Variants in ETV5 observed in about 807,000 individuals in gnomAD.
ETV5 encodes ETS translocation variant 5.
Under a neutral mutation model 70.0 loss-of-function variants are expected in ETV5, and 10 were observed. The observed-to-expected ratio is 0.14, with a 90% CI of 0.09 to 0.24. The LOEUF is 0.24. ETV5 is among the 10% of genes least tolerant of loss of function. The pLI, the probability that ETV5 is intolerant of heterozygous loss-of-function variation, is 1.00. For missense variants in ETV5, 453 were observed against 651.2 expected, an observed-to-expected ratio of 0.70 and a Z score of 3.31; for synonymous variants, 216 against 242.2, an observed-to-expected ratio of 0.89 and a Z score of 1.01.
At chr3:186,063,316 A>G (rs943117047) in intron 9 of ETV5, among the ~76,000 whole-genome samples, 2 of 152,224 alleles carry the variant, frequency 1.3e-5, no homozygotes, top group African/African-American at 2.4e-5. Context: ...AGCTCCTCCA[A>G]GAAACTGACA....
chr3:186,065,955 G>T lies in ETV5; in HGVS notation c.768C>A (p.Pro256=), dbSNP rs1305810395. Reference sequence around the variant, plus strand: ...CTTGTTTGAATCCCTGAGGGGGCGGGGGAGCTGCAGGGACAATAGGTTCTG... The same window carrying T: ...CTTGTTTGAATCCCTGAGGGGGCGGTGGAGCTGCAGGGACAATAGGTTCTG... ...QMSEPIVPAA[P]PPPQGFKQEY... is the part of the protein sequence containing the mutation. The change falls in exon 8 of 13, where the codon CCC becomes CCA. Residue 256 remains proline, a synonymous_variant. Coordinates refer to ENST00000306376, the MANE Select transcript of ETV5 (RefSeq NM_004454.3). The T allele has an allele frequency of 6.2e-7, 1 of 1,611,718 alleles. No homozygotes were observed. Among genetic ancestry groups the T allele is most frequent in the South Asian group, 1.1e-5 (1 of 90,826 alleles).
In ETV5 at chr3:186,094,453, C is replaced by G. The variant is rs548505366; in HGVS notation, c.232+10852G>C. On this transcript the variant is annotated intron_variant, in intron 5 of 12. Coordinates refer to ENST00000306376, the MANE Select transcript of ETV5 (RefSeq NM_004454.3). The stretch of plus-strand genomic sequence containing the variant: ...TGGTAGTAGAGTGATTTTTTTTGAC[C>G]CAGATGAACTAGTTTCAGATTTACT... Among the ~76,000 whole-genome samples the G allele has an allele frequency of 6.6e-5, 10 of 152,050 alleles. No individual in the cohort carries two copies. In the South Asian group the frequency reaches 2.1e-3, roughly 32 times the overall value.
At chr3:186,051,665 T>A (rs2150140905) in intron 12 of ETV5, among the ~76,000 whole-genome samples, 1 of 152,346 alleles carries the variant, frequency 6.6e-6, no homozygotes, top group South Asian at 2.1e-4. Context: ...AAGACTTCAA[T>A]CAAGCTGTTG....
At chr3:186,091,747 T>C (rs1037324405) in intron 5 of ETV5, among the ~76,000 whole-genome samples, 1 of 152,188 alleles carries the variant, frequency 6.6e-6, no homozygotes, top group African/African-American at 2.4e-5. Context: ...GAATGTATTA[T>C]CATGACATGG....
intron 9 of ETV5, among the ~76,000 whole-genome samples, chr3:186,061,890 C>T (rs1416367216): frequency 6.6e-6 from 1 of 152,196 alleles, no homozygotes; most frequent in Non-Finnish European, 1.5e-5. Flanking sequence ...CATCTAATTA[C>T]TTCTTTAGAT....
intron 8 of ETV5, 141 bp from the exon 9 acceptor site, chr3:186,064,617 G>C: frequency 2.5e-6 from 2 of 788,676 alleles, no homozygotes; most frequent in Non-Finnish European, 4.4e-6. Flanking sequence ...TCCTGGGAAA[G>C]AGGTGCCACA....
intron 5 of ETV5, among the ~76,000 whole-genome samples, chr3:186,088,887 C>G (rs763967722): frequency 6.6e-6 from 1 of 152,102 alleles, no homozygotes; most frequent in Non-Finnish European, 1.5e-5. Context: ...AGACAAAGCT[C>G]AAATACCTAG....
chr3:186,080,977 C>A, intron 6 of ETV5, 69 bp downstream of exon 6: 1 of 1,526,246 alleles, frequency 6.6e-7, no homozygotes, highest in Non-Finnish European at 8.8e-7. Context: ...TGGGAAGGAA[C>A]ATTCAGCTTG....
intron 5 of ETV5, among the ~76,000 whole-genome samples, chr3:186,083,301 C>T (rs1008599675): frequency 3.9e-5 from 6 of 152,162 alleles, no homozygotes; most frequent in Non-Finnish European, 7.4e-5. Flanking sequence ...GTCCTTGAAA[C>T]GTCTACTTTT....
intron 5 of ETV5, chr3:186,084,303 AAAG>A: frequency 2.5e-6 from 1 of 402,384 alleles, no homozygotes; most frequent in Non-Finnish European, 4.7e-6. Flanking sequence ...AAAAAAAAAA[AAAG>A]TTGACATTTG....
chr3:186,058,005 A>C (rs1407915760), intron 9 of ETV5, among the ~76,000 whole-genome samples: 3 of 152,216 alleles, frequency 2.0e-5, no homozygotes, highest in Non-Finnish European at 4.4e-5. Context: ...ATGAATAAAG[A>C]CTTGGGCCTG....
intron 8 of ETV5, 147 bp from the exon 9 acceptor site, chr3:186,064,623 C>T (rs890475658): frequency 5.3e-6 from 4 of 749,746 alleles, no homozygotes; most frequent in African/African-American, 1.7e-5. Context: ...GAAAGAGGTG[C>T]CACACCAATA....
At chr3:186,099,186 G>A (rs1714387638) in intron 5 of ETV5, among the ~76,000 whole-genome samples, 1 of 152,114 alleles carries the variant, frequency 6.6e-6, no homozygotes, top group Non-Finnish European at 1.5e-5. Context: ...TTACATTATG[G>A]TTATAATTTA....
At chr3:186,094,217 G>C (rs1051787574) in intron 5 of ETV5, among the ~76,000 whole-genome samples, 8 of 152,224 alleles carry the variant, frequency 5.3e-5, no homozygotes, top group Admixed American at 3.3e-4. Context: ...CCCAAAAGAA[G>C]TGGTCACGGA....
chr3:186,077,924 G>T, intron 7 of ETV5: 1 of 869,350 alleles, frequency 1.2e-6, no homozygotes, highest in Non-Finnish European at 1.4e-6. Flanking sequence ...CAAAGGCAGA[G>T]TATAACAAGA....
intron 12 of ETV5, among the ~76,000 whole-genome samples, chr3:186,051,752 T>C (rs963817613): frequency 1.3e-5 from 2 of 152,216 alleles, no homozygotes; most frequent in African/African-American, 4.8e-5. Context: ...GAAATTTCTA[T>C]ATATAGAAGC....
intron 9 of ETV5, among the ~76,000 whole-genome samples, chr3:186,058,756 G>A (rs1713228310): frequency 1.3e-5 from 2 of 152,182 alleles, no homozygotes; most frequent in African/African-American, 2.4e-5. Flanking sequence ...CAAATAGCCT[G>A]TAATCTCAGC....
intron 1 of ETV5, 68 bp from the exon 2 acceptor site, chr3:186,106,010 G>C (rs1411047659): frequency 1.6e-6 from 2 of 1,216,950 alleles, no homozygotes; most frequent in Non-Finnish European, 2.3e-6. Context: ...ATTTTAGACT[G>C]CCTTTTTTTT....
chr3:186,106,611 A>G (rs1260542862), intron 1 of ETV5, among the ~76,000 whole-genome samples: 1 of 152,204 alleles, frequency 6.6e-6, no homozygotes, highest in African/African-American at 2.4e-5. Context: ...AAAAGAGTAA[A>G]ATGTCTATGA....
Sources: allele counts gnomAD v4.1 joint callset (sites outside exome capture counted in the v4.1 genomes callset), GRCh38; gene constraint gnomAD v4.1.1; transcripts MANE v1.5; gene names NCBI Gene and HGNC (gene_info 2026-07-23, HGNC 2026-07-21).